The following RPS6KA2 variants were observed in gnomAD, a reference collection of about 807,000 sequenced individuals.
The protein encoded by RPS6KA2 is ribosomal protein S6 kinase A2, also known as ribosomal protein S6 kinase alpha-2.
RPS6KA2 carries 42 observed loss-of-function variants against 91.8 expected under a neutral mutation model. The observed-to-expected ratio is 0.46, with a 90% CI of 0.36 to 0.59. The LOEUF (loss-of-function observed/expected upper bound fraction) is 0.59, where lower values mean the gene tolerates loss of function less well. Among genes scored for constraint, RPS6KA2 ranks in the 20% least tolerant of loss-of-function variants. RPS6KA2 has a pLI of 0.00. For synonymous variants in RPS6KA2, 414 were observed against 393.6 expected, an observed-to-expected ratio of 1.05 and a Z score of -0.61; for missense variants, 798 against 978.5, an observed-to-expected ratio of 0.82 and a Z score of 2.46.
chr6:166,859,380 G>C (rs903268454), intron 1 of RPS6KA2, among the ~76,000 whole-genome samples: 1 of 152,126 alleles, frequency 6.6e-6, no homozygotes, highest in Non-Finnish European at 1.5e-5. Flanking sequence ...CCCAAAGCAC[G>C]CCCTTGGCTG....
chr6:166,837,092 G>A (rs565939102), intron 2 of RPS6KA2, among the ~76,000 whole-genome samples: 19 of 152,294 alleles, frequency 1.2e-4, no homozygotes, highest in African/African-American at 4.6e-4. Flanking sequence ...TGCGTGCCCC[G>A]CCCGAGGAAG....
chr6:166,467,946 C>T (rs1367681472), intron 11 of RPS6KA2, among the ~76,000 whole-genome samples: 1 of 152,230 alleles, frequency 6.6e-6, no homozygotes, highest in Admixed American at 6.5e-5. Context: ...TGTGTGGTCC[C>T]ACCTTAACCA....
intron 2 of RPS6KA2, among the ~76,000 whole-genome samples, chr6:166,807,731 C>T (rs934014329): frequency 2.0e-4 from 30 of 152,092 alleles, no homozygotes; most frequent in African/African-American, 7.2e-4. Context: ...CAGTGTGCTC[C>T]CGTCTCTGCC....
intron 4 of RPS6KA2, among the ~76,000 whole-genome samples, chr6:166,509,184 G>A (rs1002736790): frequency 2.0e-5 from 3 of 152,264 alleles, no homozygotes; most frequent in African/African-American, 2.4e-5. Context: ...TGTAAACTGA[G>A]TGTGCATTAA....
At chr6:166,670,195 G>A (rs1230594217) in intron 2 of RPS6KA2, among the ~76,000 whole-genome samples, 1 of 152,236 alleles carries the variant, frequency 6.6e-6, no homozygotes, top group East Asian at 1.9e-4. Flanking sequence ...ATAGGGAGTG[G>A]AAAATCACAC....
chr6:166,783,354 GAGGAAGGAACTCTGTCTTCAGAC>G (rs1562436594), intron 2 of RPS6KA2, among the ~76,000 whole-genome samples: 1 of 152,026 alleles, frequency 6.6e-6, no homozygotes, highest in Non-Finnish European at 1.5e-5. Context: ...CTACCCTGAA[GAGGAAGGAACTCTGTCTTCAGAC>G]AGCCTTGAGA....
At chr6:166,807,633 C>A (rs994618124) in intron 2 of RPS6KA2, among the ~76,000 whole-genome samples, 3 of 151,942 alleles carry the variant, frequency 2.0e-5, no homozygotes, top group African/African-American at 7.3e-5. Flanking sequence ...GCCTGGTGAC[C>A]TCTGCGGCCT....
In RPS6KA2 at chr6:166,419,794, C is replaced by T; in HGVS notation, c.1820+88G>A. On this transcript the variant is annotated intron_variant, in intron 18 of 20. Coordinates refer to ENST00000265678, the MANE Select transcript of RPS6KA2 (RefSeq NM_021135.6). The surrounding 1 kb of genome is among the most constrained non-coding windows in gnomAD (Gnocchi z 5.6). ...GTTTGCCCACATGCGCACACTAGGACAGGGCTGGCCCTGGTCCCCTGACAG... is the reference window on the plus strand; with the variant it reads ...GTTTGCCCACATGCGCACACTAGGATAGGGCTGGCCCTGGTCCCCTGACAG... The T allele has an allele frequency of 1.6e-6, 2 of 1,223,710 alleles. No individual in the cohort carries two copies. The highest frequency in any genetic ancestry group is 2.4e-6 in the Non-Finnish European group (2 of 830,500). The allele number at this position is 1,223,710 out of a possible 1,614,324, so 75.8% of individuals were successfully genotyped here. A position where few individuals can be genotyped will look rare whatever the true frequency, so the allele number is the denominator to read the frequency against.
At chr6:166,564,780 G>A (rs1314685524) in intron 1 of RPS6KA2, among the ~76,000 whole-genome samples, 3 of 152,122 alleles carry the variant, frequency 2.0e-5, no homozygotes, top group Non-Finnish European at 2.9e-5. Context: ...CCCGAGCCAC[G>A]GATCAAGGTC....
chr6:166,622,421 T>G (rs540911465), intron 1 of RPS6KA2, among the ~76,000 whole-genome samples: 32 of 150,812 alleles, frequency 2.1e-4, no homozygotes, highest in South Asian at 6.7e-4. Flanking sequence ...TTTATTGTGG[T>G]TTTTTTTTGG....
At chr6:166,636,121 G>A (rs550139530) in intron 2 of RPS6KA2, among the ~76,000 whole-genome samples, 2 of 119,680 alleles carry the variant, frequency 1.7e-5, no homozygotes, top group Non-Finnish European at 3.5e-5. Flanking sequence ...CGCCCATCCC[G>A]CCCTGCCCCA....
intron 1 of RPS6KA2, among the ~76,000 whole-genome samples, chr6:166,568,411 C>T (rs547267117): frequency 1.6e-4 from 24 of 152,110 alleles, no homozygotes; most frequent in Non-Finnish European, 2.4e-4. Context: ...ATCAGGAATT[C>T]GAGACCAGCC....
At chr6:166,617,574 G>A (rs995792492) in intron 1 of RPS6KA2, among the ~76,000 whole-genome samples, 2 of 152,142 alleles carry the variant, frequency 1.3e-5, no homozygotes, top group Admixed American at 6.5e-5. Context: ...TGACTTACGC[G>A]ACGGTTTTAA....
Position 166,521,326 on chromosome 6 carries a change from C to A in RPS6KA2, c.298+9906G>T, listed in dbSNP as rs117983375. ...GGGCCAGGGACTTGGAGAGCCAACCCCTGCCCTGCAAAGCTCCGGGGCAGA... is the reference window on the plus strand; with the variant it reads ...GGGCCAGGGACTTGGAGAGCCAACCACTGCCCTGCAAAGCTCCGGGGCAGA... On this transcript the variant is annotated intron_variant, in intron 3 of 20. Transcript: ENST00000265678. Among the ~76,000 whole-genome samples the A allele has an allele frequency of 5.4e-4, 82 of 152,348 alleles. 5 individuals carry two copies. In the East Asian group the frequency reaches 0.015, roughly 28 times the overall value.
chr6:166,582,387 G>A (rs1232636548), intron 1 of RPS6KA2, among the ~76,000 whole-genome samples: 3 of 152,244 alleles, frequency 2.0e-5, no homozygotes, highest in African/African-American at 7.2e-5. Flanking sequence ...TCTTGGGAGA[G>A]TGAACATGTG....
At chr6:166,678,899 AAAACTCTAG>A (rs1788697167) in intron 2 of RPS6KA2, among the ~76,000 whole-genome samples, 1 of 152,262 alleles carries the variant, frequency 6.6e-6, no homozygotes. Flanking sequence ...AAAGGATTTA[AAAACTCTAG>A]AAATAGTGTG....
intron 2 of RPS6KA2, among the ~76,000 whole-genome samples, chr6:166,850,738 C>T (rs946712846): frequency 2.0e-5 from 3 of 152,028 alleles, no homozygotes; most frequent in Admixed American, 1.3e-4. Flanking sequence ...TGAGGTCTCA[C>T]GGGGGATGAA....
intron 2 of RPS6KA2, among the ~76,000 whole-genome samples, chr6:166,791,376 T>G (rs11751273): frequency 6.6e-6 from 1 of 151,228 alleles, no homozygotes; most frequent in African/African-American, 2.4e-5. Flanking sequence ...AAGTCCTGAG[T>G]GACCTACAAA....
chr6:166,787,537 T>C (rs1778964949), intron 2 of RPS6KA2, among the ~76,000 whole-genome samples: 2 of 152,092 alleles, frequency 1.3e-5, no homozygotes. Context: ...ATATACCCCC[T>C]GTTAAAAGTT....
Sources: gnomAD v4.1 joint callset for allele counts (sites outside exome capture counted in the v4.1 genomes callset) on GRCh38, gnomAD v4.1.1 for gene constraint, Gnocchi (gnomAD v3.1) non-coding constraint, MANE v1.5 for transcripts, NCBI Gene and HGNC (gene_info 2026-07-23, HGNC 2026-07-21) for gene names.